Variants in IPO8 observed in about 807,000 individuals in gnomAD.
IPO8 encodes importin-8.
A neutral mutation model predicts 141.2 loss-of-function variants in IPO8; 65 were observed. That is an observed-to-expected ratio of 0.46 (90% CI 0.38 to 0.57). IPO8 has a LOEUF of 0.57. Ranked by LOEUF, IPO8 falls within the 20% of genes least tolerant of loss-of-function variation. The probability of loss-of-function intolerance (pLI) is 0.00; values close to 1 mark genes in which losing one functional copy is unlikely to be tolerated. For missense variants in IPO8, 980 were observed against 1,246.8 expected, an observed-to-expected ratio of 0.79 and a Z score of 3.22; for synonymous variants, 411 against 420.3, an observed-to-expected ratio of 0.98 and a Z score of 0.27.
rs187478238 is a variant in IPO8 at position 30,659,074 on chromosome 12, G to T, written c.1881+2067C>A. Among the ~76,000 whole-genome samples the T allele has an allele frequency of 0.011, 1,686 of 151,980 alleles. 142 individuals are homozygous for T. The East Asian group carries it at 0.24, about 22-fold the overall frequency. On this transcript the variant is annotated intron_variant, in intron 16 of 24. Coordinates refer to ENST00000256079, the MANE Select transcript of IPO8 (RefSeq NM_006390.4). The stretch of plus-strand genomic sequence containing the variant: ...TTTTTGTATTTTTAGTAGAGATGGG[G>T]TTTCACTGTGTTAGCCAGGATGGTC...
chr12:30,658,359 G>A (rs376235730), intron 16 of IPO8, among the ~76,000 whole-genome samples: 38 of 152,178 alleles, frequency 2.5e-4, no homozygotes, highest in African/African-American at 8.0e-4. Context: ...GTCAAGAGAC[G>A]AAGATTCCGG....
At chr12:30,677,259 A>G (rs999909139) in intron 5 of IPO8, 37 of 410,984 alleles carry the variant, frequency 9.0e-5, no homozygotes, top group South Asian at 6.5e-4. Context: ...CCATAAGATT[A>G]GAACACAGCT....
intron 22 of IPO8, among the ~76,000 whole-genome samples, chr12:30,634,852 G>A (rs1289040426): frequency 1.3e-5 from 2 of 151,950 alleles, no homozygotes; most frequent in African/African-American, 2.4e-5. Flanking sequence ...AAATCAATAC[G>A]TAGAACAGAT....
intron 8 of IPO8, 47 bp downstream of exon 8, chr12:30,673,943 C>T: frequency 5.2e-6 from 6 of 1,160,816 alleles, no homozygotes; most frequent in Non-Finnish European, 7.5e-6. Flanking sequence ...AATGCCTTTA[C>T]TTTCAGTAGT....
chr12:30,665,832 AT>A lies in IPO8; in HGVS notation c.1234del (p.Met412Ter). ...AKKRKEVLPK[M>X]MAFCYQILTD... Reference sequence around the variant, plus strand: ...CAGGATTTGATAACAGAATGCCATCATTTTTGGCAACACCTAAAGAAACAGA... The same window carrying A: ...CAGGATTTGATAACAGAATGCCATCATTTTGGCAACACCTAAAGAAACAGA... On this transcript the variant is annotated frameshift_variant, in exon 12 of 25. Coordinates refer to ENST00000256079, the MANE Select transcript of IPO8 (RefSeq NM_006390.4). LOFTEE classifies it high-confidence loss of function. The A allele has an allele frequency of 6.2e-7, 1 of 1,611,898 alleles. No homozygotes were observed. Among genetic ancestry groups the A allele is most frequent in the East Asian group, 2.2e-5 (1 of 44,798 alleles).
rs773998027 is a variant in IPO8, at chr12:30,695,539, G to A, written c.84+25C>T. 1 of 1,604,880 alleles carries A rather than the reference G, an allele frequency of 6.2e-7. No individual in the cohort carries two copies. The highest frequency in any genetic ancestry group is 8.5e-7 in the Non-Finnish European group (1 of 1,172,296). ...GCAGGGGCGCCCCTTCGGCGGAAGAGGGTCGCCGAAGACCCTCTCCTCACC... is the reference window on the plus strand; with the variant it reads ...GCAGGGGCGCCCCTTCGGCGGAAGAAGGTCGCCGAAGACCCTCTCCTCACC... On this transcript the variant is annotated intron_variant, in intron 1 of 24. Coordinates refer to ENST00000256079, the MANE Select transcript of IPO8 (RefSeq NM_006390.4). This position sits in a 1 kb window ranked among gnomAD's most constrained non-coding sequence, Gnocchi z 4.2.
intron 1 of IPO8, chr12:30,694,910 G>A (rs189637786): frequency 2.2e-6 from 1 of 448,240 alleles, no homozygotes; most frequent in African/African-American, 2.0e-5. Context: ...GGAAGAACAG[G>A]AGACGGAGAA....
At position 30,634,223 on chromosome 12, in the gene IPO8, C is replaced by A; in HGVS notation, c.2759G>T (p.Gly920Val). 3 of 1,613,966 alleles carry A rather than the reference C, an allele frequency of 1.9e-6. No individual in the cohort carries two copies. In the East Asian group the frequency reaches 6.7e-5, roughly 36 times the overall value. The change falls in exon 23 of 25, where the codon GGA (glycine) becomes GTA (valine). Residue 920 changes from glycine to valine, a missense_variant. Gly to Val is a moderately radical substitution (Grantham distance 109). Coordinates refer to ENST00000256079, the MANE Select transcript of IPO8 (RefSeq NM_006390.4). Reference protein sequence around the residue: ...VTAQAMQSNNGRGEDEEEEDD... With the variant: ...VTAQAMQSNNVRGEDEEEEDD... ...TTCCTCCTCCTCATCTTCACCTCTTCCATTATTTGACTGCATTGCTTGAGC... is the reference window on the plus strand; with the variant it reads ...TTCCTCCTCCTCATCTTCACCTCTTACATTATTTGACTGCATTGCTTGAGC...
At chr12:30,682,957 T>C (rs1408242869) in intron 3 of IPO8, among the ~76,000 whole-genome samples, 1 of 152,158 alleles carries the variant, frequency 6.6e-6, no homozygotes, top group Non-Finnish European at 1.5e-5. Flanking sequence ...GTAATAAAGA[T>C]AAAAGATCTC....
chr12:30,646,298 T>C (rs2052645314), intron 20 of IPO8, among the ~76,000 whole-genome samples: 3 of 152,134 alleles, frequency 2.0e-5, no homozygotes, highest in Admixed American at 2.0e-4. Flanking sequence ...TTCAGCAAAA[T>C]TCAACACCCT....
chr12:30,653,074 A>G lies in IPO8; in HGVS notation c.1967T>C (p.Leu656Pro), dbSNP rs2052750016. ...KHVIEFYEEI[L>P]SLAYSLTCHS... ...GCAGGTTAAACTGTATGCCAGGGAAAGAATTTCTTCATAGAATTCTAGAAG... is the reference window on the plus strand; with the variant it reads ...GCAGGTTAAACTGTATGCCAGGGAAGGAATTTCTTCATAGAATTCTAGAAG... Residue 656 changes from leucine (L) to proline (P), a missense_variant, in exon 18 of 25, where the codon CTT (leucine) becomes CCT (proline). Coordinates refer to ENST00000256079, the MANE Select transcript of IPO8 (RefSeq NM_006390.4). The G allele has an allele frequency of 6.2e-7, 1 of 1,608,950 alleles. No homozygotes were observed. The highest frequency in any genetic ancestry group is 8.5e-7 in the Non-Finnish European group (1 of 1,178,088).
intron 20 of IPO8, among the ~76,000 whole-genome samples, chr12:30,643,506 T>A (rs2052600816): frequency 1.3e-5 from 2 of 152,186 alleles, no homozygotes; most frequent in Admixed American, 1.3e-4. Context: ...CTGAAACTCA[T>A]GTTGAAATTT....
rs141107361 is a variant in IPO8 at position 30,654,687 on chromosome 12, T to A, written c.1949-1595A>T. Reference sequence around the variant, plus strand: ...ATCATATCTACGAGAATGTCTATTATCAAAAAGACGAAAGTTAAATGCTGG... The same window carrying A: ...ATCATATCTACGAGAATGTCTATTAACAAAAAGACGAAAGTTAAATGCTGG... On this transcript the variant is annotated intron_variant, in intron 17 of 24. Transcript: ENST00000256079. Among the ~76,000 whole-genome samples the A allele has an allele frequency of 3.8e-4, 58 of 151,866 alleles. No individual in the cohort carries two copies. In the East Asian group the frequency reaches 9.1e-3, roughly 24 times the overall value.
chr12:30,646,520 A>T (rs1377658378), intron 20 of IPO8, among the ~76,000 whole-genome samples: 1 of 152,200 alleles, frequency 6.6e-6, no homozygotes, highest in Non-Finnish European at 1.5e-5. Flanking sequence ...AAGAAAAATA[A>T]GAGGCACCCA....
intron 5 of IPO8, chr12:30,676,885 T>G: frequency 6.7e-7 from 1 of 1,485,368 alleles, no homozygotes; most frequent in Non-Finnish European, 9.1e-7. Flanking sequence ...TGAGTGATTT[T>G]TATGACTTAC....
At chr12:30,677,098 G>A in intron 5 of IPO8, 1 of 1,508,626 alleles carries the variant, frequency 6.6e-7, no homozygotes, top group Non-Finnish European at 8.9e-7. Context: ...CATCCATTCA[G>A]TACAAAACAT....
At chr12:30,679,075 G>A (rs1041467648) in intron 5 of IPO8, among the ~76,000 whole-genome samples, 1 of 152,104 alleles carries the variant, frequency 6.6e-6, no homozygotes, top group Non-Finnish European at 1.5e-5. Flanking sequence ...CAGACCTCAG[G>A]TGACCCACCC....
At position 30,639,501 on chromosome 12, in the gene IPO8, C is replaced by G. The variant is rs1157414916; in HGVS notation, c.2489+14G>C. ...AGAAACAGAAAAGCAGTGTAAAATCCAAAAGACACATACCCAAGAAAACAA... is the reference window on the plus strand; with the variant it reads ...AGAAACAGAAAAGCAGTGTAAAATCGAAAAGACACATACCCAAGAAAACAA... On this transcript the variant is annotated intron_variant, in intron 21 of 24. Transcript: ENST00000256079. 4 of 1,573,082 alleles carry G rather than the reference C, an allele frequency of 2.5e-6. No homozygotes were observed. The African/African-American group carries it at 5.4e-5, about 21-fold the overall frequency.
At chr12:30,660,867 A>G (rs1037258637) in intron 16 of IPO8, among the ~76,000 whole-genome samples, 2 of 151,862 alleles carry the variant, frequency 1.3e-5, no homozygotes, top group Non-Finnish European at 2.9e-5. Flanking sequence ...CCTGGCACAT[A>G]GCAGATATGA....
Sources: gnomAD v4.1 joint callset for allele counts (sites outside exome capture counted in the v4.1 genomes callset) on GRCh38, gnomAD v4.1.1 for gene constraint, Gnocchi (gnomAD v3.1) non-coding constraint, MANE v1.5 for transcripts, NCBI Gene and HGNC (gene_info 2026-07-23, HGNC 2026-07-21) for gene names.